Variants in GNG7 observed in about 807,000 individuals in gnomAD.
The protein encoded by GNG7 is G protein subunit gamma 7.
In GNG7, 1 loss-of-function variant was observed where a neutral mutation model predicts 4.0. The observed-to-expected ratio is 0.25, with a 90% CI of 0.09 to 1.18. GNG7 has a LOEUF of 1.18. Ranked by LOEUF, GNG7 falls within the 50% of genes most tolerant of loss-of-function variation. The probability of loss-of-function intolerance (pLI) is 0.50; values close to 1 mark genes in which losing one functional copy is unlikely to be tolerated. For synonymous variants in GNG7, 34 were observed against 36.9 expected (o/e 0.92, Z 0.29); for missense variants, 86 against 91.9 (o/e 0.94, Z 0.26).
In GNG7 at chr19:2,614,293, G is replaced by C. The variant is rs185036332; in HGVS notation, c.-78+31931C>G. On this transcript the variant is annotated intron_variant, in intron 2 of 4. Coordinates refer to ENST00000382159, the MANE Select transcript of GNG7 (RefSeq NM_052847.3). The surrounding 1 kb of genome is among the most constrained non-coding windows in gnomAD (Gnocchi z 6.0). ...GTGTACCCGCAGGGGGGCCCTGCAC[G>C]TCGGGTCTCAGGCACATGTGTGGTG... Among the ~76,000 whole-genome samples, 16 of 152,342 alleles carry C rather than the reference G, an allele frequency of 1.1e-4. No individual in the cohort carries two copies. The highest frequency in any genetic ancestry group is 3.4e-3 in the Middle Eastern group (1 of 294).
chr19:2,683,456 AC>A, intron 1 of GNG7: 1 of 152,130 alleles, frequency 6.6e-6, no homozygotes, highest in East Asian at 1.9e-4. Flanking sequence ...GATACTCTCC[AC>A]GCCTTCTGTG....
chr19:2,607,235 A>AGGC (rs1981414039), intron 2 of GNG7, among the ~76,000 whole-genome samples: 1 of 135,124 alleles, frequency 7.4e-6, no homozygotes, highest in Non-Finnish European at 1.6e-5. Context: ...AAAAAAAAGA[A>AGGC]GGCCAGGTGT....
At chr19:2,522,680 A>T (rs1253995100) in intron 3 of GNG7, among the ~76,000 whole-genome samples, 2 of 138,162 alleles carry the variant, frequency 1.4e-5, no homozygotes, top group Non-Finnish European at 3.1e-5. Context: ...TGAACCCGGA[A>T]GGCGGAGCTT....
chr19:2,677,677 G>A, intron 1 of GNG7, among the ~76,000 whole-genome samples: 1 of 152,160 alleles, frequency 6.6e-6, no homozygotes, highest in Non-Finnish European at 1.5e-5. Flanking sequence ...GGAGGACAGA[G>A]GATCATGAGA....
In GNG7 at chr19:2,633,156, G is replaced by A. The variant is rs543344785; in HGVS notation, c.-78+13068C>T. On this transcript the variant is annotated intron_variant, in intron 2 of 4. Transcript: ENST00000382159. The surrounding 1 kb of genome is among the most constrained non-coding windows in gnomAD (Gnocchi z 5.9). ...CAGGTGGGTGCTGGTTCACTAAAAC[G>A]ATGAAGCGGATGGGAGGAAAATTAG... Among the ~76,000 whole-genome samples the A allele has an allele frequency of 2.0e-5, 3 of 152,198 alleles. No homozygotes were observed. The highest frequency in any genetic ancestry group is 4.4e-5 in the Non-Finnish European group (3 of 68,036).
At chr19:2,651,456 CCTCT>C (rs961289976) in intron 1 of GNG7, among the ~76,000 whole-genome samples, 30 of 144,756 alleles carry the variant, frequency 2.1e-4, no homozygotes, top group South Asian at 1.2e-3. Flanking sequence ...TCCTTTCCTC[CCTCT>C]CTTTCTCTTT....
intron 2 of GNG7, among the ~76,000 whole-genome samples, chr19:2,631,056 A>G (rs1982146215): frequency 6.6e-6 from 1 of 152,152 alleles, no homozygotes; most frequent in Non-Finnish European, 1.5e-5. Context: ...ACATTATCTG[A>G]TTGTCTCAAC....
At chr19:2,679,994 G>A (rs1446195892) in intron 1 of GNG7, among the ~76,000 whole-genome samples, 2 of 152,136 alleles carry the variant, frequency 1.3e-5, no homozygotes. Context: ...CCCACAGGGA[G>A]AAAAACAGGA....
intron 2 of GNG7, among the ~76,000 whole-genome samples, chr19:2,567,331 T>TTGTGTGTGTGTGTGTGTGTGTGTGTGTG (rs3221748): frequency 0.023 from 3,153 of 137,122 alleles, 87 homozygotes; most frequent in Middle Eastern, 0.045. Flanking sequence ...TGTCGTCGAT[T>TTGTGTGTGTGTGTGTGTGTGTGTGTGTG]TGTGTGTGTG....
intron 3 of GNG7, among the ~76,000 whole-genome samples, chr19:2,535,989 G>C (rs1298914150): frequency 6.6e-6 from 1 of 152,132 alleles, no homozygotes; most frequent in Non-Finnish European, 1.5e-5. Context: ...ACTGGGTGTG[G>C]TGGTGTGTGC....
chr19:2,686,457 C>T (rs1041206540), intron 1 of GNG7, among the ~76,000 whole-genome samples: 10 of 152,134 alleles, frequency 6.6e-5, no homozygotes, highest in Non-Finnish European at 1.3e-4. Flanking sequence ...CGTACCCGGC[C>T]TCCCCCCTCC....
At chr19:2,619,792 G>A (rs1981817518) in intron 2 of GNG7, among the ~76,000 whole-genome samples, 1 of 152,040 alleles carries the variant, frequency 6.6e-6, no homozygotes, top group South Asian at 2.1e-4. Context: ...CTGCTCATGG[G>A]GGACAGGGCT....
chr19:2,615,301 C>G (rs1330245157), intron 2 of GNG7, among the ~76,000 whole-genome samples: 3 of 151,896 alleles, frequency 2.0e-5, no homozygotes. Flanking sequence ...TCCAGGGAGC[C>G]CTCCAGAATG....
rs1979121943 is a variant in GNG7, at chr19:2,546,247, C to G, written c.-38+8902G>C. ...CCGCTCCACAGAACCCCAGGGCCCCCTCAGCAACCAGGGTCTGCATGCAGA... is the reference window on the plus strand; with the variant it reads ...CCGCTCCACAGAACCCCAGGGCCCCGTCAGCAACCAGGGTCTGCATGCAGA... On this transcript the variant is annotated intron_variant, in intron 3 of 4. Transcript: ENST00000382159. The surrounding 1 kb of genome is among the most constrained non-coding windows in gnomAD (Gnocchi z 6.3). 6.6e-6 allele frequency among the ~76,000 whole-genome samples: 1 copy of G among 152,264 alleles called. No homozygotes were observed. The highest frequency in any genetic ancestry group is 1.9e-4 in the East Asian group (1 of 5,200).
intron 1 of GNG7, among the ~76,000 whole-genome samples, chr19:2,678,644 A>T (rs1313479293): frequency 6.6e-6 from 1 of 152,058 alleles, no homozygotes; most frequent in Non-Finnish European, 1.5e-5. Context: ...GAATCAGATA[A>T]GGTGTCCAGT....
At chr19:2,652,237 C>T (rs1402437904) in intron 1 of GNG7, among the ~76,000 whole-genome samples, 2 of 152,060 alleles carry the variant, frequency 1.3e-5, no homozygotes, top group Admixed American at 6.6e-5. Flanking sequence ...CTGGAGAATA[C>T]GATGCCAAGT....
chr19:2,515,021 G>A lies in GNG7; in HGVS notation c.*1C>T, dbSNP rs142320422. 58 of 1,610,298 alleles carry A rather than the reference G, an allele frequency of 3.6e-5. No individual in the cohort carries two copies. The African/African-American group carries it at 6.4e-4, about 18-fold the overall frequency. On this transcript the variant is annotated 3_prime_UTR_variant, in exon 5 of 5. Transcript: ENST00000382159. ...GAGAGAGAGAACATATGAGAACACA[G>A]TTATAAAATAATACAAGGTTTCTTG...
At chr19:2,567,114 A>C (rs1455896516) in intron 2 of GNG7, among the ~76,000 whole-genome samples, 3 of 65,304 alleles carry the variant, frequency 4.6e-5, no homozygotes, top group African/African-American at 6.4e-5. Context: ...TCCGTCTCAA[A>C]AAAAAAAACA....
rs894822146 is a variant in GNG7, at chr19:2,557,356, G to T, written c.-77-2168C>A. On this transcript the variant is annotated intron_variant, in intron 2 of 4. Transcript: ENST00000382159. This position sits in a 1 kb window ranked among gnomAD's most constrained non-coding sequence, Gnocchi z 5.1. Reference sequence around the variant, plus strand: ...AGACACACACATGTGCACACACACAGACACACACACACGTGCACGCACACA... The same window carrying T: ...AGACACACACATGTGCACACACACATACACACACACACGTGCACGCACACA... 1.1e-5 allele frequency among the ~76,000 whole-genome samples: 1 copy of T among 94,022 alleles called. No homozygotes were observed. The highest frequency in any genetic ancestry group is 2.6e-5 in the Non-Finnish European group (1 of 38,932). 61.7% of individuals were successfully genotyped at this position (94,022 alleles called of 152,430 possible).
Sources: gnomAD v4.1 joint callset for allele counts (sites outside exome capture counted in the v4.1 genomes callset) on GRCh38, gnomAD v4.1.1 for gene constraint, Gnocchi (gnomAD v3.1) non-coding constraint, MANE v1.5 for transcripts, NCBI Gene and HGNC (gene_info 2026-07-23, HGNC 2026-07-21) for gene names.